The following PTPRG variants were observed in gnomAD, a reference collection of about 807,000 sequenced individuals.
The protein encoded by PTPRG is receptor-type tyrosine-protein phosphatase gamma.
In PTPRG, 102 loss-of-function variants were observed where a neutral mutation model predicts 165.3. The ratio of observed to expected loss-of-function variants is 0.62; its 90% confidence interval spans 0.53 to 0.73. PTPRG has a LOEUF of 0.73. PTPRG is among the 30% of genes least tolerant of loss of function. PTPRG has a pLI of 0.00. For missense variants in PTPRG, 1,866 were observed against 1,861.4 expected (o/e 1.00, Z -0.05); for synonymous variants, 675 against 669.5 (o/e 1.01, Z -0.13).
intron 1 of PTPRG, among the ~76,000 whole-genome samples, chr3:61,563,806 T>C (rs1699832815): frequency 1.3e-5 from 1 of 78,272 alleles, no homozygotes; most frequent in Non-Finnish European, 3.0e-5. Flanking sequence ...CTCGTCGCCC[T>C]TGGGGATCCC....
In PTPRG at chr3:62,170,452, G is replaced by GA. The variant is rs796426828; in HGVS notation, c.1033+2295dup. Reference sequence around the variant, plus strand: ...GGTGACAGATACAAAGCTCTTTCCTGAAAAAATGGGCCAAGCATATGATAT... The same window carrying GA: ...GGTGACAGATACAAAGCTCTTTCCTGAAAAAAATGGGCCAAGCATATGATAT... On this transcript the variant is annotated intron_variant, in intron 8 of 29. Transcript: ENST00000474889. 1.1e-4 allele frequency among the ~76,000 whole-genome samples: 16 copies of GA among 152,138 alleles called. 1 individual carries two copies. In the Middle Eastern group the frequency reaches 0.024, roughly 226 times the overall value.
intron 5 of PTPRG, chr3:62,124,194 T>A (rs1334403100): frequency 4.8e-6 from 4 of 828,544 alleles, no homozygotes; most frequent in Admixed American, 4.0e-5. Context: ...AAAAAAGAAG[T>A]CATGATTATT....
At chr3:61,693,854 A>G (rs926271563) in intron 1 of PTPRG, among the ~76,000 whole-genome samples, 4 of 152,044 alleles carry the variant, frequency 2.6e-5, no homozygotes, top group African/African-American at 9.7e-5. Context: ...AAAAATATAA[A>G]AAAATTAGCC....
chr3:61,790,988 A>T (rs888894251), intron 2 of PTPRG, among the ~76,000 whole-genome samples: 1 of 152,050 alleles, frequency 6.6e-6, no homozygotes, highest in Non-Finnish European at 1.5e-5. Context: ...ATCAGTCAGC[A>T]CCTCCTTTTT....
chr3:62,265,891 T>TTATA (rs757775460), intron 17 of PTPRG, among the ~76,000 whole-genome samples: 38 of 65,644 alleles, frequency 5.8e-4, no homozygotes, highest in African/African-American at 9.4e-4. Context: ...CATCTGTGCC[T>TTATA]TATATACACA....
At chr3:62,159,364 A>C in intron 7 of PTPRG, among the ~76,000 whole-genome samples, 1 of 152,246 alleles carries the variant, frequency 6.6e-6, no homozygotes, top group South Asian at 2.1e-4. Context: ...TAATGAAGTT[A>C]AGGAATACTG....
chr3:61,706,348 G>A (rs1328842518), intron 1 of PTPRG, among the ~76,000 whole-genome samples: 1 of 152,018 alleles, frequency 6.6e-6, no homozygotes, highest in Non-Finnish European at 1.5e-5. Flanking sequence ...AACATATATA[G>A]TGAGATAATA....
rs1301819403 is a variant in PTPRG at position 62,267,698 on chromosome 3, C to T, written c.2753C>T (p.Ala918Val). Residue 918 changes from alanine (A) to valine (V), a missense_variant, in exon 19 of 30, where the codon GCA becomes GTA. Physicochemically the swap from Ala to Val is moderately conservative, Grantham distance 64. This residue lies in a region of PTPRG where 1,452 missense variants were observed against 1,463.0 expected (regional missense o/e 0.99). Transcript: ENST00000474889. ...GTCATTTTGAAGGGTTACAACAAAGCAAAAGCCTACATTGCCACCCAAGGA... is the reference window on the plus strand; with the variant it reads ...GTCATTTTGAAGGGTTACAACAAAGTAAAAGCCTACATTGCCACCCAAGGA... Reference protein sequence around the residue: ...NANYVDGYNKAKAYIATQGPL... With the variant: ...NANYVDGYNKVKAYIATQGPL... The T allele has an allele frequency of 8.7e-6, 14 of 1,612,890 alleles. No homozygotes were observed. Among genetic ancestry groups the T allele is most frequent in the Non-Finnish European group, 1.2e-5 (14 of 1,179,372 alleles).
intron 1 of PTPRG, among the ~76,000 whole-genome samples, chr3:61,571,593 CTGATAA>C: frequency 6.6e-6 from 1 of 152,208 alleles, no homozygotes; most frequent in South Asian, 2.1e-4. Context: ...TCTGAATAAG[CTGATAA>C]TAACTGTGGA....
intron 1 of PTPRG, among the ~76,000 whole-genome samples, chr3:61,691,360 T>A (rs2030200031): frequency 6.6e-6 from 1 of 152,134 alleles, no homozygotes; most frequent in Non-Finnish European, 1.5e-5. Context: ...TGAGTTGTGA[T>A]CACACCACTG....
At chr3:62,180,160 C>G (rs1705591878) in intron 8 of PTPRG, among the ~76,000 whole-genome samples, 1 of 152,192 alleles carries the variant, frequency 6.6e-6, no homozygotes, top group Admixed American at 6.5e-5. Flanking sequence ...AAAATCCCAG[C>G]TAAAGCCATC....
At chr3:62,218,011 G>C (rs951769148) in intron 12 of PTPRG, 4 of 152,344 alleles carry the variant, frequency 2.6e-5, no homozygotes, top group Non-Finnish European at 5.9e-5. Context: ...AAAGAAAATA[G>C]GAGCTTTTGG....
chr3:61,715,763 A>G (rs1473001001), intron 1 of PTPRG, among the ~76,000 whole-genome samples: 1 of 152,188 alleles, frequency 6.6e-6, no homozygotes, highest in Non-Finnish European at 1.5e-5. Flanking sequence ...AACAGGAAAG[A>G]AGTAAAAGAC....
intron 2 of PTPRG, among the ~76,000 whole-genome samples, chr3:61,972,842 A>G (rs150825686): frequency 1.4e-5 from 2 of 145,480 alleles, no homozygotes; most frequent in Non-Finnish European, 3.0e-5. Flanking sequence ...TTTTTTTTGT[A>G]GAGACAGGGT....
chr3:61,691,668 T>G (rs1318979852), intron 1 of PTPRG, among the ~76,000 whole-genome samples: 1 of 152,208 alleles, frequency 6.6e-6, no homozygotes. Flanking sequence ...ATGAGAAATA[T>G]TTATACACTA....
In PTPRG at chr3:61,660,776, C is replaced by T. The variant is rs186064071; in HGVS notation, c.86-88102C>T. ...CAGCACTTTGGGAGACTAAGGTGGG[C>T]TGATACCTGAGGTCGGGAGTTCGAG... On this transcript the variant is annotated intron_variant, in intron 1 of 29. Transcript: ENST00000474889. 3.8e-3 allele frequency among the ~76,000 whole-genome samples: 578 copies of T among 152,166 alleles called. 3 individuals are homozygous for T. The highest frequency in any genetic ancestry group is 0.013 in the African/African-American group (547 of 41,526).
chr3:61,931,294 C>G (rs2039355518), intron 2 of PTPRG, among the ~76,000 whole-genome samples: 1 of 152,188 alleles, frequency 6.6e-6, no homozygotes, highest in Non-Finnish European at 1.5e-5. Flanking sequence ...AACAGTTCTG[C>G]TTAAAGGTTT....
chr3:61,675,217 A>G (rs1703180934), intron 1 of PTPRG, among the ~76,000 whole-genome samples: 1 of 152,162 alleles, frequency 6.6e-6, no homozygotes, highest in South Asian at 2.1e-4. Flanking sequence ...TTTCCCCTTA[A>G]TGATACATTT....
At chr3:61,959,346 C>A (rs1314544872) in intron 2 of PTPRG, among the ~76,000 whole-genome samples, 1 of 152,178 alleles carries the variant, frequency 6.6e-6, no homozygotes, top group Non-Finnish European at 1.5e-5. Context: ...GGTCCCCAAC[C>A]TTTTTGGCAC....
Sources: allele counts gnomAD v4.1 joint callset (sites outside exome capture counted in the v4.1 genomes callset), GRCh38; gene constraint gnomAD v4.1.1; regional missense constraint gnomAD v4.1.1; transcripts MANE v1.5; gene names NCBI Gene and HGNC (gene_info 2026-07-23, HGNC 2026-07-21).